The following PKD1L1 variants were observed in gnomAD, a reference collection of about 807,000 sequenced individuals.
PKD1L1 encodes polycystin 1 like 1, transient receptor potential channel interacting, also known as polycystin-1-like protein 1.
Under a neutral mutation model 323.4 loss-of-function variants are expected in PKD1L1, and 236 were observed. That is an observed-to-expected ratio of 0.73 (90% CI 0.66 to 0.81). The LOEUF (loss-of-function observed/expected upper bound fraction) is 0.81, where lower values mean the gene tolerates loss of function less well. Ranked by LOEUF, PKD1L1 falls within the 40% of genes least tolerant of loss-of-function variation. PKD1L1 has a pLI of 0.00. For missense variants in PKD1L1, 3,320 were observed against 3,508.0 expected, an observed-to-expected ratio of 0.95 and a Z score of 1.35; for synonymous variants, 1,344 against 1,335.0, an observed-to-expected ratio of 1.01 and a Z score of -0.15.
intron 36 of PKD1L1, among the ~76,000 whole-genome samples, chr7:47,838,760 C>G (rs1008632496): frequency 6.6e-6 from 1 of 151,682 alleles, no homozygotes. Flanking sequence ...TGCCTGTAGT[C>G]CCAGCTACTC....
In PKD1L1 at chr7:47,857,686, C is replaced by T. The variant is rs760373258; in HGVS notation, c.4509G>A (p.Ala1503=). 182 of 1,614,132 alleles carry T rather than the reference C, an allele frequency of 1.1e-4. No individual in the cohort carries two copies. The Middle Eastern group carries it at 1.3e-3, about 12-fold the overall frequency. ...TAATGTAGCATGGGCTCTGTGTCTCCGCCCCAGCAGGACTGTGCCCAGCAA... is the reference window on the plus strand; with the variant it reads ...TAATGTAGCATGGGCTCTGTGTCTCTGCCCCAGCAGGACTGTGCCCAGCAA... ...GDLAGHSPAG[A]ETQSPCYISQ... The change falls in exon 28 of 57, where the codon GCG becomes GCA. Residue 1503 remains alanine, a synonymous_variant. Transcript: ENST00000289672.
rs200119501 is a variant in PKD1L1, at chr7:47,835,132, C to G, written c.6054+1G>C. The G allele has an allele frequency of 8.6e-5, 138 of 1,599,134 alleles. No homozygotes were observed. The highest frequency in any genetic ancestry group is 1.1e-4 in the Non-Finnish European group (132 of 1,171,952). ...GGGCCATGAGGACAAGTCGCAGGTA[C>G]CTTGCTGAGCCTGAAGAGCAGGGAC... On this transcript the variant is annotated splice_donor_variant, in intron 38 of 56. Coordinates refer to ENST00000289672, the MANE Select transcript of PKD1L1 (RefSeq NM_138295.5). LOFTEE classifies it high-confidence loss of function.
At chr7:47,857,569 G>T (rs758599681) in intron 28 of PKD1L1, 36 bp downstream of exon 28, 8 of 1,559,408 alleles carry the variant, frequency 5.1e-6, no homozygotes, top group South Asian at 1.1e-5. Flanking sequence ...ATTTGAAATG[G>T]TCATTAGAAG....
At chr7:47,833,038 G>T in intron 41 of PKD1L1, 52 bp downstream of exon 41, 2 of 1,561,372 alleles carry the variant, frequency 1.3e-6, no homozygotes, top group South Asian at 1.2e-5. Flanking sequence ...CCCAATGGCT[G>T]CAGGTCTGCT....
In PKD1L1 at chr7:47,777,366, C is replaced by T. The variant is rs116561479; in HGVS notation, c.8527-2200G>A. Among the ~76,000 whole-genome samples the T allele has an allele frequency of 2.1e-3, 316 of 152,316 alleles. 2 individuals are homozygous for T. Among genetic ancestry groups the T allele is most frequent in the African/African-American group, 7.3e-3 (304 of 41,564 alleles). ...GGAGATGGTCTCCTCCTTCCATGGA[C>T]ATTTCATCTTTGGATGTGATCCCTG... On this transcript the variant is annotated intron_variant, in intron 56 of 56. Coordinates refer to ENST00000289672, the MANE Select transcript of PKD1L1 (RefSeq NM_138295.5).
At chr7:47,841,169 C>T (rs889876504) in intron 34 of PKD1L1, among the ~76,000 whole-genome samples, 2 of 152,144 alleles carry the variant, frequency 1.3e-5, no homozygotes, top group African/African-American at 4.8e-5. Flanking sequence ...TGTGTTTTCA[C>T]CTTTCTGTCT....
intron 56 of PKD1L1, among the ~76,000 whole-genome samples, chr7:47,778,531 G>A (rs1786620845): frequency 6.6e-6 from 1 of 152,188 alleles, no homozygotes; most frequent in South Asian, 2.1e-4. Context: ...AGGTGAAGAT[G>A]AAGAAAACAT....
chr7:47,857,234 A>C (rs545741405), intron 28 of PKD1L1, among the ~76,000 whole-genome samples: 1 of 152,200 alleles, frequency 6.6e-6, no homozygotes, highest in Non-Finnish European at 1.5e-5. Context: ...TGTTAGACCC[A>C]TATCTTCATC....
chr7:47,902,181 G>A (rs772695219), intron 13 of PKD1L1, among the ~76,000 whole-genome samples, 198 bp downstream of exon 13: 2 of 152,138 alleles, frequency 1.3e-5, no homozygotes, highest in African/African-American at 2.4e-5. Flanking sequence ...GTCCAGGCTG[G>A]GGTAGCCCTC....
At chr7:47,919,411 T>C (rs1787492021) in intron 7 of PKD1L1, among the ~76,000 whole-genome samples, 1 of 151,988 alleles carries the variant, frequency 6.6e-6, no homozygotes, top group Admixed American at 6.6e-5. Flanking sequence ...AAAGTCCAGG[T>C]CCAGACGAAT....
At chr7:47,880,900 C>G (rs759090809) in intron 20 of PKD1L1, 95 bp from the exon 21 acceptor site, 260 of 963,248 alleles carry the variant, frequency 2.7e-4, no homozygotes, top group Non-Finnish European at 3.6e-4. Flanking sequence ...ACTCTTCCCC[C>G]AGGGGTGAAA....
intron 16 of PKD1L1, among the ~76,000 whole-genome samples, chr7:47,888,673 C>T (rs992806646): frequency 6.6e-6 from 1 of 152,236 alleles, no homozygotes; most frequent in Non-Finnish European, 1.5e-5. Context: ...GCCTCGGCCC[C>T]GCCTCTTCCC....
At position 47,876,151 on chromosome 7, in the gene PKD1L1, C is replaced by T; in HGVS notation, c.3730G>A (p.Asp1244Asn). The part of the protein sequence containing the change: ...TSKHTLYHGR[D>N]TQYYFVLPAG... ...GGCAACACAAAATAATACTGGGTGT[C>T]TCTCCCATGGTACAAAGTGTGTTTG... The change falls in exon 23 of 57, where the codon GAC (aspartate) becomes AAC (asparagine). Residue 1244 changes from aspartate to asparagine, a missense_variant. Coordinates refer to ENST00000289672, the MANE Select transcript of PKD1L1 (RefSeq NM_138295.5). 6.2e-7 allele frequency: 1 copy of T among 1,614,124 alleles called. No homozygotes were observed. Among genetic ancestry groups the T allele is most frequent in the South Asian group, 1.1e-5 (1 of 91,074 alleles).
intron 5 of PKD1L1, 113 bp from the exon 6 acceptor site, chr7:47,931,434 G>T: frequency 8.8e-7 from 1 of 1,135,584 alleles, no homozygotes; most frequent in Non-Finnish European, 1.2e-6. Flanking sequence ...CTGCTACTGA[G>T]GTCTCTGCTA....
Position 47,882,064 on chromosome 7 carries a change from C to G in PKD1L1, c.3287G>C (p.Gly1096Ala), listed in dbSNP as rs972253342. 1.2e-6 allele frequency: 2 copies of G among 1,613,336 alleles called. No individual in the cohort carries two copies. The highest frequency in any genetic ancestry group is 1.7e-6 in the Non-Finnish European group (2 of 1,179,872). The stretch of plus-strand genomic sequence containing the variant: ...CTCGGCACTCAAGCTAGGTCCTGAT[C>G]CTGGAAAGCTGGTGTCCTTAGCTAG... ...RQPAKDTSFP[G>A]SGPSLSAEES... Residue 1096 changes from glycine (G) to alanine (A), a missense_variant, in exon 20 of 57, where the codon GGA becomes GCA. Coordinates refer to ENST00000289672, the MANE Select transcript of PKD1L1 (RefSeq NM_138295.5).
Position 47,946,919 on chromosome 7 carries a change from G to A in PKD1L1, c.44+1478C>T, listed in dbSNP as rs571629647. On this transcript the variant is annotated intron_variant, in intron 1 of 56. Transcript: ENST00000289672. The surrounding 1 kb of genome is among the most constrained non-coding windows in gnomAD (Gnocchi z 4.1). Reference sequence around the variant, plus strand: ...ACAGGGGAAAAAACATCAAGTCAGCGACTTCCGCTCCTCAGCTTTTCTTTC... The same window carrying A: ...ACAGGGGAAAAAACATCAAGTCAGCAACTTCCGCTCCTCAGCTTTTCTTTC... Among the ~76,000 whole-genome samples the A allele has an allele frequency of 2.7e-5, 4 of 146,648 alleles. No homozygotes were observed. Among genetic ancestry groups the A allele is most frequent in the South Asian group, 2.1e-4 (1 of 4,826 alleles).
At chr7:47,835,802 G>A (rs1785445203) in intron 37 of PKD1L1, among the ~76,000 whole-genome samples, 1 of 152,124 alleles carries the variant, frequency 6.6e-6, no homozygotes, top group South Asian at 2.1e-4. Flanking sequence ...AAGGAATCCA[G>A]CAAAGGCTTC....
intron 49 of PKD1L1, 31 bp from the exon 50 acceptor site, chr7:47,812,082 G>A (rs2128729597): frequency 6.5e-7 from 1 of 1,535,236 alleles, no homozygotes; most frequent in Non-Finnish European, 8.8e-7. Flanking sequence ...GGGTAGGGCA[G>A]GGCAGGGAGA....
chr7:47,880,367 C>T (rs1472554779), intron 21 of PKD1L1, among the ~76,000 whole-genome samples: 58 of 140,694 alleles, frequency 4.1e-4, no homozygotes, highest in African/African-American at 1.6e-3. Context: ...CTGCAAGCTC[C>T]ACCTCCTGGG....
Sources: allele counts gnomAD v4.1 joint callset (sites outside exome capture counted in the v4.1 genomes callset), GRCh38; gene constraint gnomAD v4.1.1; non-coding constraint Gnocchi (gnomAD v3.1); transcripts MANE v1.5; gene names NCBI Gene and HGNC (gene_info 2026-07-23, HGNC 2026-07-21).